The following STX11 variants were observed in gnomAD, a reference collection of about 807,000 sequenced individuals.
STX11 encodes the protein syntaxin 11, also known as syntaxin-11.
STX11 carries 21 observed loss-of-function variants against 19.9 expected under a neutral mutation model. That is an observed-to-expected ratio of 1.06 (90% CI 0.75 to 1.52). The LOEUF (loss-of-function observed/expected upper bound fraction) is 1.52. STX11 is among the 40% of genes most tolerant of loss of function. The probability of loss-of-function intolerance (pLI) is 0.00; values close to 1 mark genes in which losing one functional copy is unlikely to be tolerated. For missense variants in STX11, 438 were observed against 405.9 expected, an observed-to-expected ratio of 1.08 and a Z score of -0.68; for synonymous variants, 193 against 174.4, an observed-to-expected ratio of 1.11 and a Z score of -0.84.
chr6:144,161,269 G>A (rs983799984), intron 1 of STX11, among the ~76,000 whole-genome samples: 3 of 152,176 alleles, frequency 2.0e-5, no homozygotes, highest in African/African-American at 7.2e-5. Context: ...ATTCCTTAAG[G>A]AATCAAAATT....
chr6:144,147,970 A>C (rs758787192), upstream of STX11, among the ~76,000 whole-genome samples: 9 of 152,156 alleles, frequency 5.9e-5, no homozygotes, highest in Non-Finnish European at 8.8e-5. This position sits in a 1 kb window ranked among gnomAD's most constrained non-coding sequence, Gnocchi z 4.2. Flanking sequence ...GTTTTACCAA[A>C]TATCTGGGCA....
intron 1 of STX11, among the ~76,000 whole-genome samples, chr6:144,157,881 C>G (rs561984170): frequency 6.6e-6 from 1 of 152,032 alleles, no homozygotes; most frequent in African/African-American, 2.4e-5. Context: ...CTCTCTCGCT[C>G]TCTCTTTCAA....
chr6:144,145,091 T>C, the STX11 span, among the ~76,000 whole-genome samples: 1 of 152,310 alleles, frequency 6.6e-6, no homozygotes, highest in East Asian at 1.9e-4. Context: ...GAGATATTTG[T>C]ACACTCATGT....
chr6:144,178,651 A>G (rs560304489), intron 1 of STX11, among the ~76,000 whole-genome samples: 1 of 152,328 alleles, frequency 6.6e-6, no homozygotes, highest in African/African-American at 2.4e-5. Context: ...AATAACTCCT[A>G]CCTGCTTTCT....
chr6:144,187,237 C>A lies in STX11; in HGVS notation c.610C>A (p.Leu204Ile). 1 of 1,613,842 alleles carries A rather than the reference C, an allele frequency of 6.2e-7. No individual in the cohort carries two copies. ...LADVKGARAA[L>I]NEIESRHREL... is the part of the protein sequence containing the mutation. ...CGACGTGAAGGGCGCGCGGGCCGCC[C>A]TCAACGAGATCGAGAGCCGCCACCG... The change falls in exon 2 of 2, where the codon CTC (leucine) becomes ATC (isoleucine). Residue 204 changes from leucine (L) to isoleucine (I), a missense_variant. Physicochemically the swap from Leu to Ile is conservative, Grantham distance 5. Transcript: ENST00000367568. This position sits in a 1 kb window ranked among gnomAD's most constrained non-coding sequence, Gnocchi z 5.6.
upstream of STX11, among the ~76,000 whole-genome samples, chr6:144,147,403 T>A (rs867336321): frequency 2.0e-5 from 3 of 152,102 alleles, no homozygotes; most frequent in Non-Finnish European, 4.4e-5. This position sits in a 1 kb window ranked among gnomAD's most constrained non-coding sequence, Gnocchi z 4.2. Flanking sequence ...TTTACAAAAA[T>A]TTTTTTAATT....
Position 144,153,789 on chromosome 6 carries a change from G to A in STX11, c.-6+3086G>A, listed in dbSNP as rs1212892394. 2.0e-5 allele frequency among the ~76,000 whole-genome samples: 3 copies of A among 152,092 alleles called. No individual in the cohort carries two copies. The highest frequency in any genetic ancestry group is 1.3e-4 in the Admixed American group (2 of 15,268). ...GAGGTTTAATAGGTGGAACCCTGTC[G>A]GGTGTGTGTAATGAGGAGGTAGGAG... is the stretch of plus-strand genomic sequence containing the variant. On this transcript the variant is annotated intron_variant, in intron 1 of 1. Coordinates refer to ENST00000367568, the MANE Select transcript of STX11 (RefSeq NM_003764.4). This position sits in a 1 kb window ranked among gnomAD's most constrained non-coding sequence, Gnocchi z 5.0.
Position 144,189,936 on chromosome 6 carries a change from G to T in STX11, c.*2445G>T, listed in dbSNP as rs1281732304. The stretch of plus-strand genomic sequence containing the variant: ...GAGATATTGTAAATAGAGACTGCCA[G>T]CCAGTTTCCACAAAAAAACGAAGAG... On this transcript the variant is annotated 3_prime_UTR_variant, in exon 2 of 2. Coordinates refer to ENST00000367568, the MANE Select transcript of STX11 (RefSeq NM_003764.4). Among the ~76,000 whole-genome samples, 1 of 152,174 alleles carries T rather than the reference G, an allele frequency of 6.6e-6. No homozygotes were observed. The highest frequency in any genetic ancestry group is 2.4e-5 in the African/African-American group (1 of 41,440).
chr6:144,147,468 T>C (rs111520767), upstream of STX11, among the ~76,000 whole-genome samples: 492 of 152,316 alleles, frequency 3.2e-3, 5 homozygotes, highest in African/African-American at 0.011. The surrounding 1 kb of genome is among the most constrained non-coding windows in gnomAD (Gnocchi z 4.2). Context: ...TCAGAACTTC[T>C]CATTCTCTTT....
Position 144,155,382 on chromosome 6 carries a change from G to A in STX11, c.-6+4679G>A, listed in dbSNP as rs150199662. Among the ~76,000 whole-genome samples, 363 of 152,300 alleles carry A rather than the reference G, an allele frequency of 2.4e-3. 3 individuals carry two copies. Among genetic ancestry groups the A allele is most frequent in the Middle Eastern group, 0.02 (6 of 294 alleles). On this transcript the variant is annotated intron_variant, in intron 1 of 1. Transcript: ENST00000367568. The surrounding 1 kb of genome is among the most constrained non-coding windows in gnomAD (Gnocchi z 4.5). ...AATGTTCAAATGTCTAAAGCTTGAA[G>A]TTTTAAAATAGTTTCTCCACACATG...
At chr6:144,173,767 T>C (rs190964853) in intron 1 of STX11, among the ~76,000 whole-genome samples, 1 of 152,228 alleles carries the variant, frequency 6.6e-6, no homozygotes, top group Non-Finnish European at 1.5e-5. Flanking sequence ...TTCCCCTGAC[T>C]GCTCTCGCAG....
intron 1 of STX11, among the ~76,000 whole-genome samples, chr6:144,163,037 G>A (rs1466338954): frequency 6.6e-6 from 1 of 152,168 alleles, no homozygotes; most frequent in Non-Finnish European, 1.5e-5. Context: ...GCTATTCTTT[G>A]TGTCGTAGTT....
At chr6:144,179,819 A>G (rs1011843867) in intron 1 of STX11, among the ~76,000 whole-genome samples, 1 of 152,242 alleles carries the variant, frequency 6.6e-6, no homozygotes, top group Non-Finnish European at 1.5e-5. Context: ...GATTTGTAAT[A>G]ATCACTTTAA....
In STX11 at chr6:144,167,616, T is replaced by C. The variant is rs1801518266; in HGVS notation, c.-6+16913T>C. ...GCAATCACTTCTCCTTTTTTTCATT[T>C]CTTTTTTATTTTCTTTTTTTGAGAC... On this transcript the variant is annotated intron_variant, in intron 1 of 1. Transcript: ENST00000367568. This position sits in a 1 kb window ranked among gnomAD's most constrained non-coding sequence, Gnocchi z 5.0. 6.6e-6 allele frequency among the ~76,000 whole-genome samples: 1 copy of C among 152,224 alleles called. No homozygotes were observed. Among genetic ancestry groups the C allele is most frequent in the African/African-American group, 2.4e-5 (1 of 41,428 alleles).
rs1801006396 is a variant in STX11 at position 144,151,528 on chromosome 6, G to A, written c.-6+825G>A. The A allele has an allele frequency of 2.8e-6, 2 of 719,298 alleles. No homozygotes were observed. Among genetic ancestry groups the A allele is most frequent in the Non-Finnish European group, 3.4e-6 (2 of 586,634 alleles). The allele number at this position is 719,298 out of a possible 1,614,324, so 44.6% of individuals were successfully genotyped here. A position where few individuals can be genotyped will look rare whatever the true frequency, so the allele number is the denominator to read the frequency against. ...GTGAAATGCCTGCCCTGCCAACCTG[G>A]GGCAGTGGTATGGGAAGTGACGATT... On this transcript the variant is annotated intron_variant, in intron 1 of 1. Transcript: ENST00000367568. This position sits in a 1 kb window ranked among gnomAD's most constrained non-coding sequence, Gnocchi z 4.6.
rs376823182 is a variant in STX11 at position 144,187,042 on chromosome 6, T to C, written c.415T>C (p.Phe139Leu). The change falls in exon 2 of 2, where the codon TTC (phenylalanine) becomes CTC (leucine). Residue 139 changes from phenylalanine (F) to leucine (L), a missense_variant. Phe to Leu is a conservative substitution (Grantham distance 22, BLOSUM62 0). Coordinates refer to ENST00000367568, the MANE Select transcript of STX11 (RefSeq NM_003764.4). The surrounding 1 kb of genome is among the most constrained non-coding windows in gnomAD (Gnocchi z 5.6). Reference sequence around the variant, plus strand: ...GCAGTACAACGCGCTCACCCTCACCTTCCAGCGCGCCATGCACGACTACAA... The same window carrying C: ...GCAGTACAACGCGCTCACCCTCACCCTCCAGCGCGCCATGCACGACTACAA... ...RAQYNALTLT[F>L]QRAMHDYNQA... is the part of the protein sequence containing the mutation. 1.2e-6 allele frequency: 2 copies of C among 1,612,932 alleles called. No homozygotes were observed. The highest frequency in any genetic ancestry group is 1.7e-6 in the Non-Finnish European group (2 of 1,179,942).
chr6:144,163,828 T>C (rs970493059), intron 1 of STX11, among the ~76,000 whole-genome samples: 4 of 152,086 alleles, frequency 2.6e-5, no homozygotes, highest in East Asian at 1.9e-4. Flanking sequence ...TGGCTTGTAG[T>C]CCCAGTACCC....
rs978856863 is a variant in STX11, at chr6:144,156,009, T to C, written c.-6+5306T>C. 4.1e-3 allele frequency among the ~76,000 whole-genome samples: 490 copies of C among 119,528 alleles called. 25 individuals are homozygous for C. Among genetic ancestry groups the C allele is most frequent in the East Asian group, 0.033 (131 of 3,916 alleles). 78.4% of individuals were successfully genotyped at this position (119,528 alleles called of 152,430 possible). ...TTCTTTCTTTCTTTCTTTCTTTCTT[T>C]CTTTCTCTCTTTCTCTCCTTCCTTC... On this transcript the variant is annotated intron_variant, in intron 1 of 1. Coordinates refer to ENST00000367568, the MANE Select transcript of STX11 (RefSeq NM_003764.4).
Position 144,186,667 on chromosome 6 carries a change from C to T in STX11, c.40C>T (p.Gln14Ter). The change falls in exon 2 of 2, where the codon CAA becomes TAA. Residue 14 changes from glutamine to a stop codon, truncating the protein, a stop_gained. Coordinates refer to ENST00000367568, the MANE Select transcript of STX11 (RefSeq NM_003764.4). LOFTEE classifies it high-confidence loss of function. ...AGCAGAACTTCTGGACTTGTCCAAG[C>T]AATATGACCAGCAGTTCCCAGACGG... is the stretch of plus-strand genomic sequence containing the variant. ...RLAELLDLSK[Q>*]YDQQFPDGDD... The T allele has an allele frequency of 6.2e-7, 1 of 1,614,194 alleles. No homozygotes were observed. The highest frequency in any genetic ancestry group is 1.1e-5 in the South Asian group (1 of 91,090).
Sources: allele counts gnomAD v4.1 joint callset (sites outside exome capture counted in the v4.1 genomes callset), GRCh38; gene constraint gnomAD v4.1.1; non-coding constraint Gnocchi (gnomAD v3.1); transcripts MANE v1.5; gene names NCBI Gene and HGNC (gene_info 2026-07-23, HGNC 2026-07-21).